Variants in ANO5 observed in about 807,000 individuals in gnomAD.
ANO5 encodes anoctamin 5.
A neutral mutation model predicts 121.0 loss-of-function variants in ANO5; 109 were observed. That is an observed-to-expected ratio of 0.90 (90% confidence interval 0.77 to 1.06). ANO5 has a LOEUF of 1.06. ANO5 is among the 50% of genes least tolerant of loss of function. The pLI is 0.00. For missense variants in ANO5, 1,064 were observed against 1,078.5 expected, an observed-to-expected ratio of 0.99 and a Z score of 0.19; for synonymous variants, 406 against 359.9, an observed-to-expected ratio of 1.13 and a Z score of -1.45.
chr11:22,197,541 C>T (rs920427678), intron 1 of ANO5, among the ~76,000 whole-genome samples: 2 of 152,102 alleles, frequency 1.3e-5, no homozygotes, highest in African/African-American at 4.8e-5. Flanking sequence ...TTGTTTGCAT[C>T]TTTACGGCTA....
intron 1 of ANO5, among the ~76,000 whole-genome samples, chr11:22,195,094 G>C (rs899021976): frequency 7.9e-5 from 12 of 152,064 alleles, no homozygotes; most frequent in African/African-American, 2.7e-4. Flanking sequence ...ACTAACACTT[G>C]TTATTGTCTT....
At chr11:22,207,690 AATGTAAGAATTATT>A (rs962166040) in intron 2 of ANO5, among the ~76,000 whole-genome samples, 1 of 152,104 alleles carries the variant, frequency 6.6e-6, no homozygotes, top group Non-Finnish European at 1.5e-5. Flanking sequence ...GAGTTTATCA[AATGTAAGAATTATT>A]GTTCCCTGAA....
chr11:22,226,545 A>G (rs545180884), intron 6 of ANO5, among the ~76,000 whole-genome samples: 1 of 152,128 alleles, frequency 6.6e-6, no homozygotes, highest in South Asian at 2.1e-4. Flanking sequence ...TGGGCAACAT[A>G]GCAAGATCCT....
chr11:22,269,936 T>C (rs759019756), intron 17 of ANO5, among the ~76,000 whole-genome samples: 1 of 152,246 alleles, frequency 6.6e-6, no homozygotes, highest in African/African-American at 2.4e-5. Flanking sequence ...TTTCCTATTA[T>C]AGTCAATTTC....
chr11:22,248,815 TAA>T (rs1465606004), intron 9 of ANO5, among the ~76,000 whole-genome samples: 2 of 152,100 alleles, frequency 1.3e-5, no homozygotes, highest in African/African-American at 2.4e-5. Context: ...ATTTTTAAGT[TAA>T]GTCTATAGCA....
intron 3 of ANO5, 130 bp from the exon 4 acceptor site, chr11:22,218,113 TATC>T: frequency 8.6e-6 from 1 of 116,296 alleles, no homozygotes; most frequent in Non-Finnish European, 1.8e-5. Context: ...CAGTTTGAAA[TATC>T]ACACACACAC....
intron 21 of ANO5, among the ~76,000 whole-genome samples, chr11:22,276,479 G>A (rs1854856624): frequency 6.6e-6 from 1 of 151,740 alleles, no homozygotes; most frequent in Non-Finnish European, 1.5e-5. Flanking sequence ...ATAACCCACT[G>A]ATTTTAGAGA....
chr11:22,194,442 A>G (rs2133478144), intron 1 of ANO5, among the ~76,000 whole-genome samples: 1 of 152,306 alleles, frequency 6.6e-6, no homozygotes, highest in East Asian at 1.9e-4. Flanking sequence ...TTTTTTAAGC[A>G]GCTTTATTGA....
chr11:22,276,275 C>A, intron 21 of ANO5, 76 bp downstream of exon 21: 1 of 1,220,162 alleles, frequency 8.2e-7, no homozygotes, highest in Non-Finnish European at 1.2e-6. Flanking sequence ...AACCTCTCAT[C>A]AGAAAGTTAG....
intron 17 of ANO5, 82 bp from the exon 18 acceptor site, chr11:22,270,230 G>C (rs1024583875): frequency 1.3e-6 from 2 of 1,543,278 alleles, no homozygotes; most frequent in Non-Finnish European, 1.8e-6. Flanking sequence ...ATTTCTGCCA[G>C]TTTCCAGATC....
intron 8 of ANO5, 38 bp from the exon 9 acceptor site, chr11:22,239,531 C>T (rs1263941641): frequency 6.9e-7 from 1 of 1,452,326 alleles, no homozygotes; most frequent in Non-Finnish European, 9.7e-7. Flanking sequence ...TTGTCTTTTG[C>T]TTCGTCTTTT....
intron 21 of ANO5, among the ~76,000 whole-genome samples, chr11:22,276,722 T>A (rs761785116): frequency 6.6e-6 from 1 of 150,658 alleles, no homozygotes; most frequent in Non-Finnish European, 1.5e-5. Flanking sequence ...CTAGTGTAGT[T>A]ATAGAGATAA....
At chr11:22,246,021 G>C (rs906474160) in intron 9 of ANO5, among the ~76,000 whole-genome samples, 1 of 152,132 alleles carries the variant, frequency 6.6e-6, no homozygotes, top group African/African-American at 2.4e-5. Flanking sequence ...TCACAGCTGT[G>C]GGCACCCATC....
At position 22,270,589 on chromosome 11, in the gene ANO5, A is replaced by G. The variant is rs7925115; in HGVS notation, c.2029+147A>G. On this transcript the variant is annotated intron_variant, in intron 18 of 21. Coordinates refer to ENST00000324559, the MANE Select transcript of ANO5 (RefSeq NM_213599.3). ...AAAAGATGAGTGGAGGGATATAAAG[A>G]AAATTTGTTCCCTATTTCCCTGTTC... 4,290 of 1,194,424 alleles carry G rather than the reference A, an allele frequency of 3.6e-3. 136 individuals are homozygous for G. The African/African-American group carries it at 0.059, about 16-fold the overall frequency. 74.0% of individuals were successfully genotyped at this position (1,194,424 alleles called of 1,614,324 possible). A position where few individuals can be genotyped will look rare whatever the true frequency, so the allele number is the denominator to read the frequency against.
intron 2 of ANO5, among the ~76,000 whole-genome samples, chr11:22,210,396 G>A (rs1298805089): frequency 6.6e-6 from 1 of 151,780 alleles, no homozygotes; most frequent in African/African-American, 2.4e-5. Context: ...TTGTAAATAT[G>A]TCTGTTACAC....
chr11:22,252,002 C>A (rs1420572722), intron 12 of ANO5, among the ~76,000 whole-genome samples: 1 of 116,078 alleles, frequency 8.6e-6, no homozygotes, highest in Non-Finnish European at 1.6e-5. Context: ...TGCACTCAAG[C>A]CTGAGAGACA....
At chr11:22,229,177 T>C (rs1437840078) in intron 7 of ANO5, among the ~76,000 whole-genome samples, 2 of 152,074 alleles carry the variant, frequency 1.3e-5, no homozygotes, top group Non-Finnish European at 2.9e-5. Context: ...CTAGGTACTC[T>C]CCAACACTTG....
At chr11:22,238,896 A>ATATT (rs376194226) in intron 8 of ANO5, among the ~76,000 whole-genome samples, 1 of 152,072 alleles carries the variant, frequency 6.6e-6, no homozygotes, top group East Asian at 1.9e-4. Context: ...TTTAAACTGG[A>ATATT]TATTTATTCA....
At chr11:22,264,989 A>G (rs1452723813) in intron 17 of ANO5, among the ~76,000 whole-genome samples, 1 of 152,198 alleles carries the variant, frequency 6.6e-6, no homozygotes, top group Admixed American at 6.5e-5. Context: ...TTCCACATTA[A>G]TCTACTAGTA....
Sources: gnomAD v4.1 joint callset for allele counts (sites outside exome capture counted in the v4.1 genomes callset) on GRCh38, gnomAD v4.1.1 for gene constraint, MANE v1.5 for transcripts, NCBI Gene and HGNC (gene_info 2026-07-23, HGNC 2026-07-21) for gene names.